EEF1AKMT3: variants seen among roughly 807,000 people sequenced by gnomAD.
The protein encoded by EEF1AKMT3 is eEF1A-KMT3.
Under a neutral mutation model 17.8 loss-of-function variants are expected in EEF1AKMT3, and 17 were observed. The ratio of observed to expected loss-of-function variants is 0.96; its 90% CI spans 0.65 to 1.43. The LOEUF (loss-of-function observed/expected upper bound fraction) is 1.43, where lower values mean the gene tolerates loss of function less well. Among genes scored for constraint, EEF1AKMT3 ranks in the 40% most tolerant of loss-of-function variants. EEF1AKMT3 has a pLI of 0.00. For synonymous variants in EEF1AKMT3, 116 were observed against 126.5 expected (o/e 0.92, Z 0.56); for missense variants, 244 against 285.8 (o/e 0.85, Z 1.06).
rs1419861101 is a variant in EEF1AKMT3, at chr12:57,780,784, CTT to C, written c.*140_*141del. 1.6e-5 allele frequency: 18 copies of C among 1,160,218 alleles called. No homozygotes were observed. Among genetic ancestry groups the C allele is most frequent in the Middle Eastern group, 2.7e-4 (1 of 3,772 alleles). The allele number at this position is 1,160,218 out of a possible 1,614,324, so 71.9% of individuals were successfully genotyped here. ...GCCTCTCTCACTTTCCTCCTTCCCT[CTT>C]TGTTACCCCAGATACTCTTGGGCAG... On this transcript the variant is annotated 3_prime_UTR_variant, in exon 3 of 3. Transcript: ENST00000300209.
Position 57,772,673 on chromosome 12 carries a change from T to C in EEF1AKMT3, c.-52T>C. On this transcript the variant is annotated 5_prime_UTR_variant, in exon 1 of 3. Transcript: ENST00000300209. The surrounding 1 kb of genome is among the most constrained non-coding windows in gnomAD (Gnocchi z 4.1). ...CCCCCAGCCTCTACCCCGCTCCGGA[T>C]CCGGGATCTGAGCGCCGGCCGCGGT... 6.4e-7 allele frequency: 1 copy of C among 1,553,178 alleles called. No homozygotes were observed. Among genetic ancestry groups the C allele is most frequent in the South Asian group, 1.2e-5 (1 of 82,088 alleles).
At chr12:57,780,102 A>C (rs972936993) in intron 2 of EEF1AKMT3, among the ~76,000 whole-genome samples, 153 bp from the exon 3 acceptor site, 1 of 152,206 alleles carries the variant, frequency 6.6e-6, no homozygotes, top group African/African-American at 2.4e-5. Context: ...GCAGTGGGTG[A>C]AATGGAGGTT....
In EEF1AKMT3 at chr12:57,781,981, A is replaced by G. The variant is rs1182987303; in HGVS notation, c.*1335A>G. 2 of 152,056 alleles carry G rather than the reference A, an allele frequency of 1.3e-5. No homozygotes were observed. The highest frequency in any genetic ancestry group is 1.3e-4 in the Admixed American group (2 of 15,248). The allele number at this position is 152,056 out of a possible 1,614,324, so 9.4% of individuals were successfully genotyped here. A position where few individuals can be genotyped will look rare whatever the true frequency, so the allele number is the denominator to read the frequency against. ...CCATGTGATCCAAAATTACCTTCCT[A>G]TTGCATTTCCTACTCCTTTGCTACG... On this transcript the variant is annotated 3_prime_UTR_variant, in exon 3 of 3. Coordinates refer to ENST00000300209, the MANE Select transcript of EEF1AKMT3 (RefSeq NM_015433.3).
At chr12:57,778,307 T>TTTTTTTTTTTTTTTTTCTTTTTC (rs536788916) in intron 2 of EEF1AKMT3, among the ~76,000 whole-genome samples, 1 of 105,314 alleles carries the variant, frequency 9.5e-6, no homozygotes, top group Non-Finnish European at 2.0e-5. Context: ...TTTTTTTTTT[T>TTTTTTTTTTTTTTTTTCTTTTTC]TGAGACAGGT....
chr12:57,773,783 A>G (rs1189582312), intron 2 of EEF1AKMT3, among the ~76,000 whole-genome samples: 5 of 152,188 alleles, frequency 3.3e-5, no homozygotes, highest in Admixed American at 2.0e-4. Context: ...GGCTTTGGAC[A>G]TGGTCTTCTG....
chr12:57,776,321 C>T (rs1328706646), intron 2 of EEF1AKMT3, among the ~76,000 whole-genome samples: 1 of 152,152 alleles, frequency 6.6e-6, no homozygotes, highest in East Asian at 1.9e-4. Context: ...AACTTTTTAC[C>T]ATCTGCTTAA....
In EEF1AKMT3 at chr12:57,778,293, C is replaced by CTTTTTTTTTTGTTTTTTTTTTTT. The variant is rs1955492528; in HGVS notation, c.290-1952_290-1951insGTTTTTTTTTTTTTTTTTTTTTT. ...CCAAACACCCAGAAACCATCCTGAG[C>CTTTTTTTTTTGTTTTTTTTTTTT]TTTTTTTTTTTTTTTGAGACAGGTT... On this transcript the variant is annotated intron_variant, in intron 2 of 2. Coordinates refer to ENST00000300209, the MANE Select transcript of EEF1AKMT3 (RefSeq NM_015433.3). Among the ~76,000 whole-genome samples, 2 of 43,994 alleles carry CTTTTTTTTTTGTTTTTTTTTTTT rather than the reference C, an allele frequency of 4.5e-5. 1 individual carries two copies. Among genetic ancestry groups the CTTTTTTTTTTGTTTTTTTTTTTT allele is most frequent in the Non-Finnish European group, 7.8e-5 (2 of 25,678 alleles). The allele number at this position is 43,994 out of a possible 152,430, so 28.9% of individuals were successfully genotyped here. A position where few individuals can be genotyped will look rare whatever the true frequency, so the allele number is the denominator to read the frequency against.
intron 2 of EEF1AKMT3, among the ~76,000 whole-genome samples, chr12:57,779,202 TG>T (rs764044684): frequency 1.3e-5 from 2 of 152,184 alleles, no homozygotes; most frequent in Non-Finnish European, 2.9e-5. Context: ...CGAGAACCCT[TG>T]GTTGGTCCCT....
At chr12:57,774,927 G>A (rs1325056127) in intron 2 of EEF1AKMT3, among the ~76,000 whole-genome samples, 3 of 151,934 alleles carry the variant, frequency 2.0e-5, no homozygotes, top group Admixed American at 6.6e-5. Flanking sequence ...CCAACATGGA[G>A]AAACCCCATC....
At chr12:57,775,384 T>G (rs1009861259) in intron 2 of EEF1AKMT3, among the ~76,000 whole-genome samples, 6 of 151,408 alleles carry the variant, frequency 4.0e-5, no homozygotes, top group African/African-American at 2.4e-5. Flanking sequence ...TTCTTTTTTT[T>G]TTTTTTTTCC....
intron 2 of EEF1AKMT3, among the ~76,000 whole-genome samples, chr12:57,778,896 G>A (rs990200776): frequency 6.6e-6 from 1 of 151,874 alleles, no homozygotes; most frequent in African/African-American, 2.4e-5. Flanking sequence ...TCTTGCACTT[G>A]TTGCCCAGGT....
intron 2 of EEF1AKMT3, among the ~76,000 whole-genome samples, chr12:57,778,547 G>A (rs189953256): frequency 2.0e-5 from 3 of 151,922 alleles, no homozygotes; most frequent in African/African-American, 7.2e-5. Context: ...CAGTCATCCC[G>A]CATTGGCCTC....
chr12:57,776,277 T>C (rs540428168), intron 2 of EEF1AKMT3, among the ~76,000 whole-genome samples: 110 of 152,158 alleles, frequency 7.2e-4, no homozygotes, highest in African/African-American at 2.6e-3. Context: ...GTTCCCTTCC[T>C]TGGGGACTTC....
rs1292446936 is a variant in EEF1AKMT3 at position 57,781,458 on chromosome 12, C to T, written c.*812C>T. The T allele has an allele frequency of 6.6e-6, 1 of 151,956 alleles. No homozygotes were observed. Among genetic ancestry groups the T allele is most frequent in the Non-Finnish European group, 1.5e-5 (1 of 68,008 alleles). The allele number at this position is 151,956 out of a possible 1,614,324, so 9.4% of individuals were successfully genotyped here. ...AGCTGAGAAGGAAGAAGCCTCAAAC[C>T]ACCCATTTCCTGCTTTTTAGAGATA... On this transcript the variant is annotated 3_prime_UTR_variant, in exon 3 of 3. Transcript: ENST00000300209.
chr12:57,777,189 TCA>T (rs940676603), intron 2 of EEF1AKMT3, among the ~76,000 whole-genome samples: 1 of 152,168 alleles, frequency 6.6e-6, no homozygotes, highest in African/African-American at 2.4e-5. Context: ...TCCTGCATTC[TCA>T]GTTTTTCCTT....
In EEF1AKMT3 at chr12:57,773,141, G is replaced by A. The variant is rs1350734575; in HGVS notation, c.289+13G>A. On this transcript the variant is annotated intron_variant, in intron 2 of 2. Coordinates refer to ENST00000300209, the MANE Select transcript of EEF1AKMT3 (RefSeq NM_015433.3). ...GCAGCGCTGCAGGGTGCGTGAGCTG[G>A]CTTTTTACGGGAGAGAGTGGGGACC... 5 of 1,613,360 alleles carry A rather than the reference G, an allele frequency of 3.1e-6. No homozygotes were observed. Among genetic ancestry groups the A allele is most frequent in the African/African-American group, 2.7e-5 (2 of 75,028 alleles).
At chr12:57,777,296 C>T (rs528797390) in intron 2 of EEF1AKMT3, among the ~76,000 whole-genome samples, 2 of 152,092 alleles carry the variant, frequency 1.3e-5, no homozygotes, top group African/African-American at 4.8e-5. Context: ...ACTCTTGATC[C>T]TACATCTCCC....
chr12:57,780,512 A>T lies in EEF1AKMT3; in HGVS notation c.547A>T (p.Arg183Ter), dbSNP rs1461031091. The T allele has an allele frequency of 6.2e-7, 1 of 1,614,042 alleles. No individual in the cohort carries two copies. Among genetic ancestry groups the T allele is most frequent in the Non-Finnish European group, 8.5e-7 (1 of 1,180,034 alleles). ...CACCATCTATCTGGCCTCCAAGATG[A>T]GAAAGGAGCATGGGACAGAGAGCTT... ...HGTIYLASKM[R>*]KEHGTESFFQ... Residue 183 changes from arginine to a stop codon, truncating the protein, a stop_gained, in exon 3 of 3, where the codon AGA (arginine) becomes TGA (stop). Transcript: ENST00000300209. LOFTEE classifies it high-confidence loss of function.
rs922876590 is a variant in EEF1AKMT3, at chr12:57,780,996, C to T, written c.*350C>T. ...ATTGTAGACAGACTGTCACTGATCA[C>T]TTCCATTCCTGTTGCTGTTTACACA... is the stretch of plus-strand genomic sequence containing the variant. On this transcript the variant is annotated 3_prime_UTR_variant, in exon 3 of 3. Transcript: ENST00000300209. 1 of 302,076 alleles carries T rather than the reference C, an allele frequency of 3.3e-6. No homozygotes were observed. Among genetic ancestry groups the T allele is most frequent in the South Asian group, 4.2e-5 (1 of 23,866 alleles). 18.7% of individuals were successfully genotyped at this position (302,076 alleles called of 1,614,324 possible). A position where few individuals can be genotyped will look rare whatever the true frequency, so the allele number is the denominator to read the frequency against.
Sources: allele counts gnomAD v4.1 joint callset (sites outside exome capture counted in the v4.1 genomes callset), GRCh38; gene constraint gnomAD v4.1.1; non-coding constraint Gnocchi (gnomAD v3.1); transcripts MANE v1.5; gene names NCBI Gene and HGNC (gene_info 2026-07-23, HGNC 2026-07-21).